Variants in RCC1 observed in about 807,000 individuals in gnomAD.
RCC1 encodes regulator of chromosome condensation 1.
RCC1 carries 11 observed loss-of-function variants against 44.4 expected under a neutral mutation model. The ratio of observed to expected loss-of-function variants is 0.25; its 90% CI spans 0.16 to 0.41. The LOEUF (loss-of-function observed/expected upper bound fraction) is 0.41. RCC1 is among the 10% of genes least tolerant of loss of function. The pLI, the probability that RCC1 is intolerant of heterozygous loss-of-function variation, is 1.00. For missense variants in RCC1, 386 were observed against 547.1 expected (o/e 0.71, Z 2.94); for synonymous variants, 213 against 216.5 (o/e 0.98, Z 0.14).
Position 28,535,244 on chromosome 1 carries a change from C to G in RCC1, c.539-14C>G. The G allele has an allele frequency of 6.2e-7, 1 of 1,614,196 alleles. No homozygotes were observed. ...TACAGTTGTGGCCTGCATCCCTTAC[C>G]TTTTCATCCTTAGGAAACGACCACT... On this transcript the variant is annotated splice_polypyrimidine_tract_variant and intron_variant, in intron 8 of 12. Transcript: ENST00000683442.
In RCC1 at chr1:28,508,315, C is replaced by T. The variant is rs928119896; in HGVS notation, c.-229+155C>T. 2.5e-4 allele frequency: 88 copies of T among 351,612 alleles called. 1 individual carries two copies. The highest frequency in any genetic ancestry group is 1.4e-3 in the African/African-American group (65 of 46,778). 21.8% of individuals were successfully genotyped at this position (351,612 alleles called of 1,614,324 possible). On this transcript the variant is annotated intron_variant, in intron 2 of 12. Coordinates refer to ENST00000683442, the MANE Select transcript of RCC1 (RefSeq NM_001381865.2). ...GAGCAATAGCCAAATATCGACTTTGCTGCATTTTTGTAGGCATGTTGACAT... is the reference window on the plus strand; with the variant it reads ...GAGCAATAGCCAAATATCGACTTTGTTGCATTTTTGTAGGCATGTTGACAT...
intron 4 of RCC1, among the ~76,000 whole-genome samples, chr1:28,519,390 G>C (rs757773421): frequency 1.2e-4 from 18 of 152,166 alleles, no homozygotes; most frequent in Admixed American, 3.3e-4. Context: ...AGTGAAACCT[G>C]GACAGATGAA....
At chr1:28,533,840 CTTTTCTTTTTTTTTTTTTTTTTTT>C (rs1664353201) in intron 7 of RCC1, among the ~76,000 whole-genome samples, 4 of 32,672 alleles carry the variant, frequency 1.2e-4, no homozygotes, top group African/African-American at 3.4e-4. Flanking sequence ...CTTTTCTTTT[CTTTTCTTTTTTTTTTTTTTTTTTT>C]TTTTTTTTTT....
intron 4 of RCC1, among the ~76,000 whole-genome samples, chr1:28,522,625 T>G (rs752990867): frequency 6.6e-6 from 1 of 150,826 alleles, no homozygotes; most frequent in Non-Finnish European, 1.5e-5. Flanking sequence ...CTGGGCAACA[T>G]AGTGAGACCT....
chr1:28,509,330 C>T (rs866097407), intron 3 of RCC1: 1 of 170,546 alleles, frequency 5.9e-6, no homozygotes, highest in African/African-American at 2.4e-5. Flanking sequence ...CAACTTCCGC[C>T]TCCCAGGTTC....
At chr1:28,522,990 C>A (rs1255782971) in intron 4 of RCC1, among the ~76,000 whole-genome samples, 1 of 147,468 alleles carries the variant, frequency 6.8e-6, no homozygotes, top group Non-Finnish European at 1.5e-5. Flanking sequence ...TGAGAGACTA[C>A]TAGGGAGCAT....
chr1:28,508,491 TGA>T, intron 2 of RCC1: 5 of 464,150 alleles, frequency 1.1e-5, no homozygotes, highest in South Asian at 4.5e-5. Context: ...TACTAGCCCT[TGA>T]AAATACTGTG....
At chr1:28,522,097 T>C (rs1266004613) in intron 4 of RCC1, among the ~76,000 whole-genome samples, 1 of 152,146 alleles carries the variant, frequency 6.6e-6, no homozygotes, top group Non-Finnish European at 1.5e-5. Flanking sequence ...TTTAGGAAGT[T>C]GATTGGTATG....
At position 28,533,770 on chromosome 1, in the gene RCC1, CAAAAAAAAAA is replaced by C. The variant is rs747565890; in HGVS notation, c.442-1264_442-1255del. 8.1e-4 allele frequency among the ~76,000 whole-genome samples: 26 copies of C among 31,984 alleles called. 1 individual carries two copies. Among genetic ancestry groups the C allele is most frequent in the African/African-American group, 2.8e-3 (24 of 8,712 alleles). 21.0% of individuals were successfully genotyped at this position (31,984 alleles called of 152,430 possible). On this transcript the variant is annotated intron_variant, in intron 7 of 12. Coordinates refer to ENST00000683442, the MANE Select transcript of RCC1 (RefSeq NM_001381865.2). ...GGGCAACAAGAGCGAAACTCTGTCTCAAAAAAAAAAAAAAAAAAAAAAAAAGGAAGTAATC... is the reference window on the plus strand; with the variant it reads ...GGGCAACAAGAGCGAAACTCTGTCTCAAAAAAAAAAAAAAAGGAAGTAATC...
intron 7 of RCC1, among the ~76,000 whole-genome samples, chr1:28,533,831 TTTTC>T: frequency 1.7e-5 from 2 of 119,940 alleles, no homozygotes; most frequent in Admixed American, 9.7e-5. Context: ...TATTTTTTTC[TTTTC>T]TTTTCTTTTC....
chr1:28,531,265 CT>C (rs1178899130), intron 5 of RCC1, among the ~76,000 whole-genome samples: 174 of 132,106 alleles, frequency 1.3e-3, no homozygotes, highest in South Asian at 5.4e-3. Flanking sequence ...TTTTCTTTTT[CT>C]TTTTTTTTTT....
At chr1:28,526,373 A>G in intron 4 of RCC1, 1 of 414,730 alleles carries the variant, frequency 2.4e-6, no homozygotes. Flanking sequence ...GTGCAAGACC[A>G]GGACCTTCTA....
intron 4 of RCC1, among the ~76,000 whole-genome samples, chr1:28,528,940 G>C (rs143902517): frequency 7.5e-6 from 1 of 133,054 alleles, no homozygotes; most frequent in Non-Finnish European, 1.5e-5. Context: ...TTGGCTCACC[G>C]CAACCTCCAC....
At chr1:28,518,040 T>C (rs991993519) in intron 4 of RCC1, 5 of 151,916 alleles carry the variant, frequency 3.3e-5, no homozygotes, top group African/African-American at 1.2e-4. Context: ...TTAGTCCACG[T>C]GTCCCGATTT....
rs967521556 is a variant in RCC1, at chr1:28,516,861, T to A, written c.-16T>A. 8 of 456,320 alleles carry A rather than the reference T, an allele frequency of 1.8e-5. No individual in the cohort carries two copies. Among genetic ancestry groups the A allele is most frequent in the Non-Finnish European group, 3.5e-5 (8 of 226,908 alleles). The allele number at this position is 456,320 out of a possible 1,614,324, so 28.3% of individuals were successfully genotyped here. On this transcript the variant is annotated 5_prime_UTR_variant, in exon 4 of 13. An upstream open reading frame in the 5' UTR gains an earlier in-frame stop. Transcript: ENST00000683442. Reference sequence around the variant, plus strand: ...TCCATGATGGAGGCAGAGGTAAACTTGGAGAGGTAAGAAACCCTGAAGACA... The same window carrying A: ...TCCATGATGGAGGCAGAGGTAAACTAGGAGAGGTAAGAAACCCTGAAGACA...
intron 12 of RCC1, among the ~76,000 whole-genome samples, 179 bp from the exon 13 acceptor site, chr1:28,537,653 C>CT (rs2124673180): frequency 6.6e-6 from 1 of 152,314 alleles, no homozygotes; most frequent in East Asian, 1.9e-4. Context: ...TTACAGAGTT[C>CT]TTTTTTATCC....
chr1:28,535,140 G>T lies in RCC1; in HGVS notation c.532G>T (p.Ala178Ser). 6.2e-7 allele frequency: 1 copy of T among 1,614,048 alleles called. No individual in the cohort carries two copies. Among genetic ancestry groups the T allele is most frequent in the South Asian group, 1.1e-5 (1 of 91,078 alleles). Residue 178 changes from alanine to serine, a missense_variant, in exon 8 of 13, where the codon GCC becomes TCC. Ala to Ser is a moderately conservative substitution (Grantham distance 99). Transcript: ENST00000683442. ...GCTGGATGTGCCTGTGGTAAAGGTG[G>T]CCTCAGGTGGGTCTGGGGGCACTTG... ...VQLDVPVVKV[A>S]SGNDHLVMLT...
At chr1:28,522,012 G>C (rs1171764384) in intron 4 of RCC1, among the ~76,000 whole-genome samples, 1 of 152,232 alleles carries the variant, frequency 6.6e-6, no homozygotes, top group East Asian at 1.9e-4. Flanking sequence ...GCCTTCTTCA[G>C]CTTCCTGTGA....
chr1:28,520,084 G>A (rs1422097175), intron 4 of RCC1, among the ~76,000 whole-genome samples: 2 of 152,136 alleles, frequency 1.3e-5, no homozygotes, highest in South Asian at 2.1e-4. Flanking sequence ...CCAGGCACAG[G>A]TTGTATAGAA....
Sources: allele counts gnomAD v4.1 joint callset (sites outside exome capture counted in the v4.1 genomes callset), GRCh38; gene constraint gnomAD v4.1.1; transcripts MANE v1.5; gene names NCBI Gene and HGNC (gene_info 2026-07-23, HGNC 2026-07-21).